The following PHTF1 variants were observed in gnomAD, a reference collection of about 807,000 sequenced individuals.
The protein encoded by PHTF1 is putative homeodomain transcription factor 1, also known as protein PHTF1.
A neutral mutation model predicts 102.4 loss-of-function variants in PHTF1; 88 were observed. The ratio of observed to expected loss-of-function variants is 0.86; its 90% CI spans 0.72 to 1.03. PHTF1 has a LOEUF of 1.03. Ranked by LOEUF, PHTF1 falls within the 50% of genes least tolerant of loss-of-function variation. The pLI is 0.00. For missense variants in PHTF1, 814 were observed against 909.5 expected, an observed-to-expected ratio of 0.89 and a Z score of 1.35; for synonymous variants, 289 against 305.2, an observed-to-expected ratio of 0.95 and a Z score of 0.55.
At position 113,698,382 on chromosome 1, in the gene PHTF1, C is replaced by T; in HGVS notation, c.2148G>A (p.Leu716=). 6.2e-7 allele frequency: 1 copy of T among 1,610,384 alleles called. No individual in the cohort carries two copies. Among genetic ancestry groups the T allele is most frequent in the Non-Finnish European group, 8.5e-7 (1 of 1,178,030 alleles). The part of the protein sequence containing the change: ...LKLSTKLLKE[L]DTPFRLYGLT... ...GTCCATAGAGTCTAAATGGTGTGTC[C>T]AGCTCCTACAAAAAACATCAAAGAA... Residue 716 remains leucine (L), a synonymous_variant, in exon 18 of 19, where the codon CTG becomes CTA. Transcript: ENST00000369604.
intron 16 of PHTF1, chr1:113,700,184 T>G (rs1425850821): frequency 1.0e-6 from 1 of 953,030 alleles, no homozygotes; most frequent in East Asian, 1.1e-4. Context: ...AGAAGATAGC[T>G]CCTTTTACTT....
chr1:113,757,897 A>G (rs1000135258), intron 2 of PHTF1, 142 bp from the exon 3 acceptor site: 9 of 629,862 alleles, frequency 1.4e-5, no homozygotes, highest in East Asian at 2.8e-5. Flanking sequence ...GAATAAATCA[A>G]TACTTCGAAG....
chr1:113,737,782 G>C (rs1253325072), intron 5 of PHTF1, among the ~76,000 whole-genome samples: 1 of 152,114 alleles, frequency 6.6e-6, no homozygotes, highest in South Asian at 2.1e-4. Flanking sequence ...CTGGGTGACA[G>C]AGAGAGACCC....
intron 2 of PHTF1, 126 bp downstream of exon 2, chr1:113,758,533 T>A: frequency 2.4e-6 from 1 of 411,176 alleles, no homozygotes; most frequent in South Asian, 7.2e-5. Flanking sequence ...TTTTTTTTCA[T>A]TTATGTTGAA....
intron 7 of PHTF1, among the ~76,000 whole-genome samples, chr1:113,718,862 G>A (rs927450708): frequency 2.0e-5 from 3 of 152,224 alleles, no homozygotes; most frequent in African/African-American, 7.2e-5. Flanking sequence ...TGTGAAGGGA[G>A]GGGCTGCCAT....
chr1:113,714,321 T>A (rs545375974), intron 7 of PHTF1: 5 of 152,298 alleles, frequency 3.3e-5, no homozygotes, highest in African/African-American at 9.6e-5. Flanking sequence ...ACACCAAGTG[T>A]GCTCTTGAGG....
At chr1:113,703,479 C>G (rs1360147896) in intron 15 of PHTF1, among the ~76,000 whole-genome samples, 1 of 152,082 alleles carries the variant, frequency 6.6e-6, no homozygotes, top group East Asian at 1.9e-4. Flanking sequence ...AAATTTAGGA[C>G]AATGTAGGCA....
chr1:113,726,561 G>C lies in PHTF1; in HGVS notation c.345C>G (p.Val115=), dbSNP rs557197064. The stretch of plus-strand genomic sequence containing the variant: ...TCACAATAGGCATCATCAAATATAA[G>C]ACAATTGCTATAACTGAAAAGAAGA... ...LLYFMQVIAI[V]LYLMMPIVNI... The change falls in exon 6 of 19, where the codon GTC becomes GTG. Residue 115 remains valine (V), a synonymous_variant. Coordinates refer to ENST00000369604, the MANE Select transcript of PHTF1 (RefSeq NM_001323043.2). The C allele has an allele frequency of 7.6e-6, 12 of 1,581,720 alleles. No individual in the cohort carries two copies. The South Asian group carries it at 1.2e-4, about 15-fold the overall frequency.
chr1:113,701,125 C>CG (rs1649394436), intron 15 of PHTF1, among the ~76,000 whole-genome samples, 176 bp from the exon 16 acceptor site: 1 of 152,186 alleles, frequency 6.6e-6, no homozygotes, highest in African/African-American at 2.4e-5. Context: ...ATATATTTCT[C>CG]TAAGTTTTCT....
rs757284868 is a variant in PHTF1 at position 113,704,799 on chromosome 1, T to C, written c.1672-2A>G. The C allele has an allele frequency of 1.9e-6, 3 of 1,572,054 alleles. No individual in the cohort carries two copies. Among genetic ancestry groups the C allele is most frequent in the Non-Finnish European group, 2.6e-6 (3 of 1,152,784 alleles). ...GAAGAGTTTTGCAAATAAAAATCTC[T>C]AGAAGAGATTTAAAAAAAATCACAG... On this transcript the variant is annotated splice_acceptor_variant, in intron 13 of 18. Coordinates refer to ENST00000369604, the MANE Select transcript of PHTF1 (RefSeq NM_001323043.2). LOFTEE classifies it high-confidence loss of function.
rs1427946789 is a variant in PHTF1 at position 113,738,225 on chromosome 1, A to G, written c.216T>C (p.Ser72=). The G allele has an allele frequency of 1.1e-5, 18 of 1,613,826 alleles. No individual in the cohort carries two copies. Among genetic ancestry groups the G allele is most frequent in the Non-Finnish European group, 1.3e-5 (15 of 1,179,848 alleles). The change falls in exon 5 of 19, where the codon TCT becomes TCC. Residue 72 remains serine, a synonymous_variant. Transcript: ENST00000369604. The stretch of plus-strand genomic sequence containing the variant: ...CTCGAACAAGCCCCTTCCGAGTCAG[A>G]GATGTCCATGGAATTTCAGGTTTTG... ...AKAKPEIPWT[S]LTRKGLVRVV...
chr1:113,707,662 CTTGA>C (rs1050461629), intron 11 of PHTF1, among the ~76,000 whole-genome samples: 1 of 152,216 alleles, frequency 6.6e-6, no homozygotes, highest in Non-Finnish European at 1.5e-5. Flanking sequence ...GAATCACTGA[CTTGA>C]TTGATTCACT....
In PHTF1 at chr1:113,706,685, G is replaced by C. The variant is rs751183421; in HGVS notation, c.1307C>G (p.Ser436Cys). The change falls in exon 12 of 19, where the codon TCT becomes TGT. Residue 436 changes from serine to cysteine, a missense_variant. Transcript: ENST00000369604. ...CCAGATTATTGCACTAACTCGATCA[G>C]AGGAAGGACTTGAATTCTGAAGCCA... ...LFWLQNSSPS[S>C]DRVSAIIWEG... 1 of 1,608,906 alleles carries C rather than the reference G, an allele frequency of 6.2e-7. No homozygotes were observed. The highest frequency in any genetic ancestry group is 1.1e-5 in the South Asian group (1 of 90,460).
chr1:113,735,355 G>C (rs544791352), intron 5 of PHTF1, among the ~76,000 whole-genome samples: 1 of 88,034 alleles, frequency 1.1e-5, no homozygotes, highest in Admixed American at 1.9e-4. Context: ...AACAGAATGA[G>C]ACTCTGTCTC....
rs60605895 is a variant in PHTF1 at position 113,702,645 on chromosome 1, G to GAA, written c.1890+1434_1890+1435dup. 3.8e-4 allele frequency among the ~76,000 whole-genome samples: 57 copies of GAA among 151,320 alleles called. 3 individuals carry two copies. On this transcript the variant is annotated intron_variant, in intron 15 of 18. Transcript: ENST00000369604. ...CATGTGCTTGTAGTCCCGGCTACCA[G>GAA]AAAAAAAAGGAAGAAGAAGAACGAA... is the stretch of plus-strand genomic sequence containing the variant.
chr1:113,742,410 G>A (rs1370783448), intron 3 of PHTF1, among the ~76,000 whole-genome samples: 1 of 152,088 alleles, frequency 6.6e-6, no homozygotes, highest in East Asian at 1.9e-4. Context: ...GATCACCTGA[G>A]GTCAGGAGTT....
At chr1:113,745,098 A>G (rs1657026730) in intron 3 of PHTF1, among the ~76,000 whole-genome samples, 1 of 152,040 alleles carries the variant, frequency 6.6e-6, no homozygotes, top group South Asian at 2.1e-4. Flanking sequence ...AAGAGATAGC[A>G]TGGTAAAAAC....
At chr1:113,703,531 C>CT (rs560801104) in intron 15 of PHTF1, among the ~76,000 whole-genome samples, 5 of 150,640 alleles carry the variant, frequency 3.3e-5, no homozygotes, top group African/African-American at 7.3e-5. Flanking sequence ...TTGTTTTTTT[C>CT]TTTTTTTTTC....
At position 113,758,674 on chromosome 1, in the gene PHTF1, C is replaced by T; in HGVS notation, c.30G>A (p.Ser10=). The change falls in exon 2 of 19, where the codon TCG becomes TCA. Residue 10 remains serine, a synonymous_variant. Coordinates refer to ENST00000369604, the MANE Select transcript of PHTF1 (RefSeq NM_001323043.2). MASNERDAI[S]WYQKKIGAYD... Reference sequence around the variant, plus strand: ...TATGTATTACCTTCTTTTGGTACCACGATATAGCATCTCTCTCATTTGAGG... The same window carrying T: ...TATGTATTACCTTCTTTTGGTACCATGATATAGCATCTCTCTCATTTGAGG... The T allele has an allele frequency of 6.2e-7, 1 of 1,601,666 alleles. No homozygotes were observed.
Sources: allele counts gnomAD v4.1 joint callset (sites outside exome capture counted in the v4.1 genomes callset), GRCh38; gene constraint gnomAD v4.1.1; transcripts MANE v1.5; gene names NCBI Gene and HGNC (gene_info 2026-07-23, HGNC 2026-07-21).